The following KLF12 variants were observed in gnomAD, a reference collection of about 807,000 sequenced individuals.
The protein encoded by KLF12 is Krueppel-like factor 12.
Under a neutral mutation model 37.8 loss-of-function variants are expected in KLF12, and 9 were observed. The observed-to-expected ratio is 0.24, with a 90% CI of 0.14 to 0.42. The LOEUF (loss-of-function observed/expected upper bound fraction) is 0.42. Among genes scored for constraint, KLF12 ranks in the 10% least tolerant of loss-of-function variants. KLF12 has a pLI of 1.00. For synonymous variants in KLF12, 208 were observed against 202.1 expected, an observed-to-expected ratio of 1.03 and a Z score of -0.25; for missense variants, 411 against 516.0, an observed-to-expected ratio of 0.80 and a Z score of 1.97.
chr13:74,141,046 CAGA>C, the KLF12 span, among the ~76,000 whole-genome samples: 1 of 151,500 alleles, frequency 6.6e-6, no homozygotes, highest in African/African-American at 2.4e-5. Flanking sequence ...GCCTGGGTGA[CAGA>C]GGGAGACTGT....
chr13:74,045,883 C>T (rs1017855935), intron 1 of KLF12, among the ~76,000 whole-genome samples: 7 of 152,176 alleles, frequency 4.6e-5, no homozygotes, highest in Non-Finnish European at 1.0e-4. Context: ...CTCTGGCCAC[C>T]GCCCTGAACT....
chr13:74,237,303 C>G, the KLF12 span, among the ~76,000 whole-genome samples: 1 of 143,880 alleles, frequency 7.0e-6, no homozygotes, highest in African/African-American at 2.9e-5. Context: ...TGATCTATAT[C>G]TCTGTTTTGG....
chr13:74,185,108 T>C, the KLF12 span, among the ~76,000 whole-genome samples: 3 of 152,236 alleles, frequency 2.0e-5, no homozygotes, highest in African/African-American at 7.2e-5. Flanking sequence ...TCTTTACCTA[T>C]TCTAGTCTTG....
the KLF12 span, among the ~76,000 whole-genome samples, chr13:74,296,088 G>C: frequency 7.3e-5 from 11 of 151,690 alleles, no homozygotes; most frequent in Non-Finnish European, 1.6e-4. Context: ...CAAAGTGCTG[G>C]GATTACAGGC....
At chr13:74,262,429 A>C in the KLF12 span, among the ~76,000 whole-genome samples, 1 of 152,204 alleles carries the variant, frequency 6.6e-6, no homozygotes, top group Admixed American at 6.5e-5. Context: ...TCTATGAGCA[A>C]TTGGTTCAAG....
At chr13:74,158,083 G>A in the KLF12 span, among the ~76,000 whole-genome samples, 1 of 152,226 alleles carries the variant, frequency 6.6e-6, no homozygotes, top group African/African-American at 2.4e-5. Flanking sequence ...GTGGAAATAA[G>A]TGGGGTGTAG....
chr13:73,824,632 T>C (rs988549657), intron 4 of KLF12, among the ~76,000 whole-genome samples: 12 of 152,188 alleles, frequency 7.9e-5, no homozygotes, highest in Admixed American at 5.2e-4. Flanking sequence ...TTTGTTCATG[T>C]CCTCATCTTA....
intron 3 of KLF12, among the ~76,000 whole-genome samples, chr13:73,852,732 G>T (rs191797009): frequency 6.6e-6 from 1 of 151,926 alleles, no homozygotes; most frequent in African/African-American, 2.4e-5. Flanking sequence ...AGCCGAGATC[G>T]TGCCACTGCA....
chr13:74,142,519 G>A, the KLF12 span, among the ~76,000 whole-genome samples: 1 of 152,150 alleles, frequency 6.6e-6, no homozygotes, highest in Admixed American at 6.5e-5. Context: ...ACAAGGATGT[G>A]AACAACTAAT....
intron 4 of KLF12, among the ~76,000 whole-genome samples, chr13:73,816,377 T>C (rs1204279332): frequency 2.0e-5 from 3 of 152,130 alleles, no homozygotes; most frequent in Non-Finnish European, 4.4e-5. Flanking sequence ...TGAAAAAAAT[T>C]TACACTTAAG....
intron 4 of KLF12, among the ~76,000 whole-genome samples, chr13:73,834,043 G>C (rs1884303189): frequency 6.6e-6 from 1 of 152,130 alleles, no homozygotes; most frequent in Non-Finnish European, 1.5e-5. Context: ...GCATTTACTA[G>C]TGTCAAACAC....
At chr13:74,076,448 T>C (rs776876106) in intron 1 of KLF12, among the ~76,000 whole-genome samples, 2 of 152,104 alleles carry the variant, frequency 1.3e-5, no homozygotes, top group African/African-American at 4.8e-5. Flanking sequence ...TGACCCTGCA[T>C]TCTTTGGAGG....
the KLF12 span, among the ~76,000 whole-genome samples, chr13:74,161,121 G>C: frequency 1.8e-3 from 266 of 151,364 alleles, no homozygotes; most frequent in Middle Eastern, 3.4e-3. Context: ...TTCTGGGAAG[G>C]CTTCCCACAC....
chr13:73,826,091 T>G (rs1447478584), intron 4 of KLF12, among the ~76,000 whole-genome samples: 3 of 151,822 alleles, frequency 2.0e-5, no homozygotes, highest in African/African-American at 2.4e-5. Context: ...TCCTGCCTCA[T>G]CCTCCCGAGT....
the KLF12 span, among the ~76,000 whole-genome samples, chr13:74,266,198 T>A: frequency 1.3e-5 from 2 of 152,310 alleles, no homozygotes; most frequent in South Asian, 4.1e-4. Context: ...CAGATTGGGA[T>A]GCTTTATGGA....
intron 6 of KLF12, among the ~76,000 whole-genome samples, chr13:73,763,993 G>A (rs1330641672): frequency 1.3e-5 from 2 of 152,036 alleles, no homozygotes; most frequent in Non-Finnish European, 2.9e-5. Flanking sequence ...GATTAGGCAT[G>A]ATTCAAATTC....
chr13:74,235,089 T>TA, the KLF12 span, among the ~76,000 whole-genome samples: 1 of 152,168 alleles, frequency 6.6e-6, no homozygotes, highest in Non-Finnish European at 1.5e-5. Flanking sequence ...ATGAGACAGT[T>TA]TCTGGGAGTG....
the KLF12 span, among the ~76,000 whole-genome samples, chr13:74,154,083 A>G: frequency 6.6e-6 from 1 of 151,542 alleles, no homozygotes; most frequent in Non-Finnish European, 1.5e-5. Flanking sequence ...AAAAAAAAAA[A>G]AATTAGCTGG....
chr13:74,012,252 A>G (rs1340693622), intron 1 of KLF12, among the ~76,000 whole-genome samples: 3 of 152,192 alleles, frequency 2.0e-5, no homozygotes, highest in African/African-American at 7.2e-5. Flanking sequence ...CTACAAAGTG[A>G]TCCCAAAAGT....
Sources: allele counts gnomAD v4.1 joint callset (sites outside exome capture counted in the v4.1 genomes callset), GRCh38; gene constraint gnomAD v4.1.1; transcripts MANE v1.5; gene names NCBI Gene and HGNC (gene_info 2026-07-23, HGNC 2026-07-21).